Variants in MYCBP2 observed in about 807,000 individuals in gnomAD.
The protein encoded by MYCBP2 is MYC binding protein 2, also known as E3 ubiquitin-protein ligase MYCBP2.
MYCBP2 carries 120 observed loss-of-function variants against 525.3 expected under a neutral mutation model. The observed-to-expected ratio is 0.23, with a 90% CI of 0.20 to 0.27. The LOEUF is 0.27. Ranked by LOEUF, MYCBP2 falls within the 10% of genes least tolerant of loss-of-function variation. The pLI is 1.00. For synonymous variants in MYCBP2, 1,894 were observed against 1,955.8 expected (o/e 0.97, Z 0.83); for missense variants, 4,149 against 5,657.1 (o/e 0.73, Z 8.55).
intron 1 of MYCBP2, among the ~76,000 whole-genome samples, chr13:77,309,293 G>T (rs1213390852): frequency 1.3e-5 from 2 of 152,154 alleles, no homozygotes; most frequent in Admixed American, 6.5e-5. Flanking sequence ...GGTTTCACTG[G>T]CCTAAGGGAA....
In MYCBP2 at chr13:77,104,593, G is replaced by A. The variant is rs115732189; in HGVS notation, c.8141-5580C>T. 1.7e-3 allele frequency among the ~76,000 whole-genome samples: 254 copies of A among 152,226 alleles called. 1 individual carries two copies. Among genetic ancestry groups the A allele is most frequent in the African/African-American group, 5.5e-3 (230 of 41,554 alleles). On this transcript the variant is annotated intron_variant, in intron 55 of 82. Coordinates refer to ENST00000544440, the MANE Select transcript of MYCBP2 (RefSeq NM_015057.5). ...CATTTCTAGATGACCAAATAGATGA[G>A]GATGTAGAAAGGAGACTAGAATTCA...
chr13:77,136,376 C>A (rs932934454), intron 52 of MYCBP2, among the ~76,000 whole-genome samples: 7 of 152,210 alleles, frequency 4.6e-5, no homozygotes, highest in Admixed American at 2.6e-4. Flanking sequence ...AGTGCATTCA[C>A]TATATTGTTC....
In MYCBP2 at chr13:77,094,242, G is replaced by C. The variant is rs552133105; in HGVS notation, c.10200-910C>G. Among the ~76,000 whole-genome samples, 251 of 152,248 alleles carry C rather than the reference G, an allele frequency of 1.6e-3. 2 individuals are homozygous for C. Among genetic ancestry groups the C allele is most frequent in the Non-Finnish European group, 2.7e-3 (184 of 68,002 alleles). ...GGCAATATCTAGATTACCTTCATTT[G>C]TCAGCTGATGAAAAAAATTTGGTTT... On this transcript the variant is annotated intron_variant, in intron 58 of 82. Coordinates refer to ENST00000544440, the MANE Select transcript of MYCBP2 (RefSeq NM_015057.5).
chr13:77,133,271 T>G (rs1018639213), intron 52 of MYCBP2, among the ~76,000 whole-genome samples: 11 of 152,156 alleles, frequency 7.2e-5, no homozygotes, highest in African/African-American at 2.7e-4. Context: ...ATAATATGCT[T>G]AACATCACAG....
chr13:77,324,661 G>A (rs979480339), intron 1 of MYCBP2, among the ~76,000 whole-genome samples: 3 of 152,102 alleles, frequency 2.0e-5, no homozygotes, highest in African/African-American at 7.2e-5. Context: ...TTCATTGACG[G>A]CTTGTACAAA....
intron 2 of MYCBP2, among the ~76,000 whole-genome samples, chr13:77,290,416 G>A (rs2077348457): frequency 5.3e-5 from 8 of 152,178 alleles, no homozygotes; most frequent in Admixed American, 5.2e-4. Flanking sequence ...GTACACGAAT[G>A]TTCGTAATAG....
Position 77,054,077 on chromosome 13 carries a change from T to C in MYCBP2, c.13647+1481A>G, listed in dbSNP as rs190496917. Among the ~76,000 whole-genome samples the C allele has an allele frequency of 3.9e-4, 59 of 151,948 alleles. No individual in the cohort carries two copies. In the East Asian group the frequency reaches 9.7e-3, roughly 25 times the overall value. On this transcript the variant is annotated intron_variant, in intron 80 of 82. Transcript: ENST00000544440. ...AGATGGGGGTATGTTACAGAGGAGG[T>C]GAAACCTGAGCTGAAGCCCGAGGTA...
intron 1 of MYCBP2, among the ~76,000 whole-genome samples, chr13:77,297,280 C>T (rs1045575884): frequency 6.6e-6 from 1 of 152,090 alleles, no homozygotes; most frequent in African/African-American, 2.4e-5. Context: ...GCAAGGAAAA[C>T]ATTTTATTTT....
intron 1 of MYCBP2, among the ~76,000 whole-genome samples, chr13:77,304,880 G>T (rs891857906): frequency 6.6e-6 from 1 of 151,844 alleles, no homozygotes; most frequent in Non-Finnish European, 1.5e-5. Context: ...CACTACAGAT[G>T]CTGCCCATAA....
chr13:77,181,669 CT>C (rs1455598956), intron 33 of MYCBP2, 31 bp downstream of exon 33: 1 of 1,573,762 alleles, frequency 6.4e-7, no homozygotes, highest in Non-Finnish European at 8.7e-7. Flanking sequence ...GTTTTAGTGC[CT>C]CTGTATAAAA....
rs1336655085 is a variant in MYCBP2, at chr13:77,097,510, G to T, written c.9644C>A (p.Ala3215Glu). Reference sequence around the variant, plus strand: ...CAAATTACCCCTGGGCCTAACTTCTGCCTTTTCTTTTTTCTTTTTTTCCTT... The same window carrying T: ...CAAATTACCCCTGGGCCTAACTTCTTCCTTTTCTTTTTTCTTTTTTTCCTT... ...SKKEKKKKEKAEVRPRGNLFG... is the reference protein window; with the variant it reads ...SKKEKKKKEKEEVRPRGNLFG... Residue 3215 changes from alanine (A) to glutamate (E), a missense_variant, in exon 56 of 83, where the codon GCA becomes GAA. Transcript: ENST00000544440. The T allele has an allele frequency of 3.1e-6, 5 of 1,612,426 alleles. No homozygotes were observed. The East Asian group carries it at 1.1e-4, about 36-fold the overall frequency.
chr13:77,278,903 C>A lies in MYCBP2; in HGVS notation c.603G>T (p.Glu201Asp). 1 of 1,565,650 alleles carries A rather than the reference C, an allele frequency of 6.4e-7. No homozygotes were observed. Residue 201 changes from glutamate to aspartate, a missense_variant, in exon 4 of 83, where the codon GAG (glutamate) becomes GAT (aspartate). Glu to Asp is a conservative substitution (Grantham distance 45, BLOSUM62 2). Around this residue, in one of 21 missense-constraint regions of MYCBP2, gnomAD observed 413 missense variants for 451.2 expected, o/e 0.92. Coordinates refer to ENST00000544440, the MANE Select transcript of MYCBP2 (RefSeq NM_015057.5). ...EPPIKLPKII[E>D]VGLCEVFELI... is the part of the protein sequence containing the mutation. ...ATTCAAAAACTTCACAAAGGCCAAC[C>A]TCAATAATCTATTTAAAAGGAAAAA...
intron 1 of MYCBP2, 113 bp from the exon 2 acceptor site, chr13:77,296,787 T>C: frequency 1.2e-6 from 1 of 839,290 alleles, no homozygotes; most frequent in Non-Finnish European, 1.7e-6. Flanking sequence ...TCTTGCAAAA[T>C]TTCTTTATGT....
At chr13:77,291,795 G>T (rs558993272) in intron 2 of MYCBP2, among the ~76,000 whole-genome samples, 1 of 151,680 alleles carries the variant, frequency 6.6e-6, no homozygotes, top group East Asian at 1.9e-4. Flanking sequence ...TAAACTAAAC[G>T]TACATTTACC....
chr13:77,203,391 A>G (rs1163721654), intron 26 of MYCBP2, among the ~76,000 whole-genome samples: 1 of 152,124 alleles, frequency 6.6e-6, no homozygotes, highest in Admixed American at 6.5e-5. Flanking sequence ...CAAGGAAATA[A>G]AAGAGGATAC....
At chr13:77,077,546 G>A (rs2042524655) in intron 66 of MYCBP2, 159 bp from the exon 67 acceptor site, 2 of 802,338 alleles carry the variant, frequency 2.5e-6, no homozygotes, top group Non-Finnish European at 3.9e-6. Flanking sequence ...TCAACCAGGT[G>A]AAGATAAGTA....
chr13:77,096,593 T>A, intron 56 of MYCBP2, 112 bp from the exon 57 acceptor site: 1 of 1,090,762 alleles, frequency 9.2e-7, no homozygotes, highest in Admixed American at 2.8e-5. Flanking sequence ...AGCAAAATAC[T>A]GAAGTAGATA....
intron 1 of MYCBP2, among the ~76,000 whole-genome samples, chr13:77,311,625 CA>C (rs1486071733): frequency 4.4e-5 from 5 of 114,688 alleles, no homozygotes; most frequent in Non-Finnish European, 8.9e-5. Flanking sequence ...GTGAAATAAA[CA>C]ATACATAAAA....
chr13:77,111,382 T>TAAA (rs912878872), intron 55 of MYCBP2, among the ~76,000 whole-genome samples: 3 of 151,836 alleles, frequency 2.0e-5, no homozygotes, highest in African/African-American at 7.3e-5. Context: ...AAACAGAGCA[T>TAAA]AAAAGTAGAT....
Sources: allele counts gnomAD v4.1 joint callset (sites outside exome capture counted in the v4.1 genomes callset), GRCh38; gene constraint gnomAD v4.1.1; regional missense constraint gnomAD v4.1.1; transcripts MANE v1.5; gene names NCBI Gene and HGNC (gene_info 2026-07-23, HGNC 2026-07-21).